Variants in RABGAP1L observed in about 807,000 individuals in gnomAD.
RABGAP1L encodes the protein RAB GTPase activating protein 1 like.
Under a neutral mutation model 137.7 loss-of-function variants are expected in RABGAP1L, and 63 were observed. That is an observed-to-expected ratio of 0.46 (90% CI 0.37 to 0.56). The LOEUF (loss-of-function observed/expected upper bound fraction) is 0.56, where lower values mean the gene tolerates loss of function less well. Ranked by LOEUF, RABGAP1L falls within the 20% of genes least tolerant of loss-of-function variation. The pLI, the probability that RABGAP1L is intolerant of heterozygous loss-of-function variation, is 0.00. For synonymous variants in RABGAP1L, 431 were observed against 433.7 expected (o/e 0.99, Z 0.08); for missense variants, 1,095 against 1,244.0 (o/e 0.88, Z 1.80).
chr1:174,491,276 G>A (rs1201324328), intron 13 of RABGAP1L, among the ~76,000 whole-genome samples: 1 of 152,022 alleles, frequency 6.6e-6, no homozygotes. Flanking sequence ...GGGTTCTTTA[G>A]TCCACAGGTG....
intron 13 of RABGAP1L, among the ~76,000 whole-genome samples, chr1:174,636,840 A>G (rs904943774): frequency 5.9e-5 from 9 of 152,202 alleles, no homozygotes; most frequent in African/African-American, 2.4e-5. Flanking sequence ...CAAGGAATTT[A>G]TCCTTGAACA....
chr1:174,617,183 C>G (rs375211872), intron 13 of RABGAP1L, among the ~76,000 whole-genome samples: 6 of 152,266 alleles, frequency 3.9e-5, no homozygotes, highest in African/African-American at 1.4e-4. Context: ...AGAAAAATCT[C>G]TAGACTGCTA....
intron 13 of RABGAP1L, among the ~76,000 whole-genome samples, chr1:174,560,756 C>T (rs1667159722): frequency 6.6e-6 from 1 of 152,034 alleles, no homozygotes; most frequent in Non-Finnish European, 1.5e-5. Flanking sequence ...CTGTTGTTCC[C>T]ATCTTTATGC....
chr1:174,497,462 T>C (rs1660849286), intron 13 of RABGAP1L, among the ~76,000 whole-genome samples: 1 of 152,234 alleles, frequency 6.6e-6, no homozygotes, highest in Non-Finnish European at 1.5e-5. Flanking sequence ...ATTTTTGTTT[T>C]CAGCCCTGTC....
At position 174,546,289 on chromosome 1, in the gene RABGAP1L, A is replaced by G. The variant is rs377100368; in HGVS notation, c.1711-91086A>G. On this transcript the variant is annotated intron_variant, in intron 13 of 25. Transcript: ENST00000681986. ...AGTGGGTGAGAGAACATATTAGACC[A>G]CCTACTTACATATATTTTATCTAAA... Among the ~76,000 whole-genome samples, 57 of 152,328 alleles carry G rather than the reference A, an allele frequency of 3.7e-4. No individual in the cohort carries two copies. The Middle Eastern group carries it at 0.01, about 27-fold the overall frequency.
At chr1:174,546,475 G>C (rs891884329) in intron 13 of RABGAP1L, among the ~76,000 whole-genome samples, 1 of 152,132 alleles carries the variant, frequency 6.6e-6, no homozygotes, top group Non-Finnish European at 1.5e-5. Context: ...ACAAAGTTTA[G>C]ATATTTGTTG....
At chr1:174,183,802 A>G (rs900061033) in intron 1 of RABGAP1L, among the ~76,000 whole-genome samples, 1 of 151,562 alleles carries the variant, frequency 6.6e-6, no homozygotes, top group African/African-American at 2.4e-5. Context: ...TCTTGCCTCA[A>G]TACTTTTGCC....
intron 19 of RABGAP1L, among the ~76,000 whole-genome samples, chr1:174,899,500 G>A (rs929578005): frequency 6.6e-6 from 1 of 152,104 alleles, no homozygotes; most frequent in Non-Finnish European, 1.5e-5. Context: ...GATCTTCCTA[G>A]TTCTAAATTT....
chr1:174,227,691 G>A (rs552827851), intron 3 of RABGAP1L, among the ~76,000 whole-genome samples: 1 of 151,774 alleles, frequency 6.6e-6, no homozygotes, highest in Admixed American at 6.6e-5. Flanking sequence ...TTTAGTATTT[G>A]CTCTGGAGTT....
chr1:174,664,344 C>T (rs1464894014), intron 14 of RABGAP1L, among the ~76,000 whole-genome samples: 6 of 152,146 alleles, frequency 3.9e-5, no homozygotes, highest in Non-Finnish European at 4.4e-5. Flanking sequence ...CATTTGTTAA[C>T]TACTTCACTA....
intron 13 of RABGAP1L, among the ~76,000 whole-genome samples, chr1:174,596,839 G>A (rs1430964839): frequency 6.6e-6 from 1 of 151,918 alleles, no homozygotes; most frequent in African/African-American, 2.4e-5. Context: ...ATGTAGATGT[G>A]GTTCTTTTCT....
chr1:174,888,202 A>G (rs1014018980), intron 19 of RABGAP1L, among the ~76,000 whole-genome samples: 29 of 152,198 alleles, frequency 1.9e-4, no homozygotes, highest in African/African-American at 6.8e-4. Context: ...GTGAATGAAA[A>G]TATCTGTGGT....
chr1:174,338,339 T>C (rs1189192769), intron 11 of RABGAP1L, among the ~76,000 whole-genome samples: 1 of 152,192 alleles, frequency 6.6e-6, no homozygotes, highest in Non-Finnish European at 1.5e-5. Context: ...AGAGTGGCAA[T>C]TGACAGCATT....
rs1682805918 is a variant in RABGAP1L, at chr1:174,734,945, G to C, written c.2170-17368G>C. On this transcript the variant is annotated intron_variant, in intron 17 of 25. Transcript: ENST00000681986. ...ATGCTCATTTAATTTGGGAAATTAG[G>C]ATCTCTCTCTTTTTTTTTTTTTTTT... is the stretch of plus-strand genomic sequence containing the variant. 2.7e-5 allele frequency among the ~76,000 whole-genome samples: 4 copies of C among 147,452 alleles called. No individual in the cohort carries two copies. In the South Asian group the frequency reaches 8.6e-4, roughly 32 times the overall value.
chr1:174,754,358 C>T (rs116016813), intron 18 of RABGAP1L, among the ~76,000 whole-genome samples: 88 of 152,164 alleles, frequency 5.8e-4, no homozygotes, highest in African/African-American at 1.8e-3. Flanking sequence ...AAAAAGAATA[C>T]GCAAACATAT....
chr1:174,364,707 T>TA (rs1283652022), intron 11 of RABGAP1L, among the ~76,000 whole-genome samples: 5 of 152,220 alleles, frequency 3.3e-5, no homozygotes, highest in African/African-American at 1.2e-4. Flanking sequence ...GTCTCTTTTT[T>TA]ATCTCCAATT....
chr1:174,289,648 T>C (rs1676395232), intron 10 of RABGAP1L, among the ~76,000 whole-genome samples: 1 of 152,200 alleles, frequency 6.6e-6, no homozygotes, highest in South Asian at 2.1e-4. Context: ...AGATCTTTAC[T>C]AGTCTGCCAA....
At chr1:174,341,169 T>C (rs1332277006) in intron 11 of RABGAP1L, among the ~76,000 whole-genome samples, 1 of 152,196 alleles carries the variant, frequency 6.6e-6, no homozygotes. Flanking sequence ...TGTTGTCAGA[T>C]GGATAGATAG....
chr1:174,540,510 A>G (rs1311686104), intron 13 of RABGAP1L, among the ~76,000 whole-genome samples: 1 of 152,178 alleles, frequency 6.6e-6, no homozygotes, highest in East Asian at 1.9e-4. Flanking sequence ...CTTTCTACGT[A>G]TGGCTAGCCA....
Sources: allele counts gnomAD v4.1 joint callset (sites outside exome capture counted in the v4.1 genomes callset), GRCh38; gene constraint gnomAD v4.1.1; transcripts MANE v1.5; gene names NCBI Gene and HGNC (gene_info 2026-07-23, HGNC 2026-07-21).